NFKB1: variants seen among roughly 807,000 people sequenced by gnomAD.
The protein encoded by NFKB1 is nuclear factor NF-kappa-B p105 subunit.
Under a neutral mutation model 105.1 loss-of-function variants are expected in NFKB1, and 9 were observed. The ratio of observed to expected loss-of-function variants is 0.09; its 90% CI spans 0.05 to 0.15. The LOEUF (loss-of-function observed/expected upper bound fraction) is 0.15. NFKB1 is among the 10% of genes least tolerant of loss of function. The pLI is 1.00. For missense variants in NFKB1, 830 were observed against 1,203.7 expected (o/e 0.69, Z 4.59); for synonymous variants, 440 against 442.2 (o/e 1.00, Z 0.06).
At chr4:102,613,688 A>T in intron 23 of NFKB1, 107 bp downstream of exon 23, 2 of 1,300,906 alleles carry the variant, frequency 1.5e-6, no homozygotes, top group Non-Finnish European at 2.1e-6. Context: ...CGTTTTCTGG[A>T]TACACTTCCC....
chr4:102,616,288 C>CACGGTGAGCAGTCATG (rs1182313644), intron 23 of NFKB1, 146 bp from the exon 24 acceptor site: 2 of 792,134 alleles, frequency 2.5e-6, no homozygotes, highest in Non-Finnish European at 4.1e-6. Context: ...CCCTTCCCAC[C>CACGGTGAGCAGTCATG]ACGGTGAGCA....
At chr4:102,533,973 A>T in intron 4 of NFKB1, 88 bp downstream of exon 4, 1 of 1,120,802 alleles carries the variant, frequency 8.9e-7, no homozygotes, top group East Asian at 2.4e-5. Context: ...AATGAGTTCT[A>T]TGAAGGAAGT....
rs751784926 is a variant in NFKB1, at chr4:102,596,256, C to T, written c.1419C>T (p.Ser473=). The T allele has an allele frequency of 1.9e-6, 3 of 1,613,552 alleles. No homozygotes were observed. The highest frequency in any genetic ancestry group is 1.1e-5 in the South Asian group (1 of 91,014). The change falls in exon 14 of 24, where the codon AGC becomes AGT. Residue 473 remains serine, a synonymous_variant. Coordinates refer to ENST00000226574, the MANE Select transcript of NFKB1 (RefSeq NM_003998.4). The part of the protein sequence containing the change: ...IETTEQDQEP[S]EATVGNGEVT... Reference sequence around the variant, plus strand: ...CCACAGAGCAAGATCAGGAGCCCAGCGAGGCCACCGTTGGGAATGGTGAGG... The same window carrying T: ...CCACAGAGCAAGATCAGGAGCCCAGTGAGGCCACCGTTGGGAATGGTGAGG...
chr4:102,613,548 C>T lies in NFKB1; in HGVS notation c.2716C>T (p.Pro906Ser). The change falls in exon 23 of 24, where the codon CCT becomes TCT. Residue 906 changes from proline (P) to serine (S), a missense_variant. Physicochemically the swap from Pro to Ser is moderately conservative, Grantham distance 74. Around this residue, in one of 8 missense-constraint regions of NFKB1, gnomAD observed 418 missense variants for 575.3 expected, o/e 0.73. Coordinates refer to ENST00000226574, the MANE Select transcript of NFKB1 (RefSeq NM_003998.4). ...VKTTSQAHSL[P>S]LSPASTRQQI... ...GACCACCTCTCAGGCCCACTCGCTG[C>T]CTCTCTCGCCTGCCTCCACAAGGCA... 1 of 1,613,706 alleles carries T rather than the reference C, an allele frequency of 6.2e-7. No homozygotes were observed. The highest frequency in any genetic ancestry group is 8.5e-7 in the Non-Finnish European group (1 of 1,179,884).
chr4:102,606,978 T>C (rs891016066), intron 17 of NFKB1, among the ~76,000 whole-genome samples, 172 bp from the exon 18 acceptor site: 6 of 152,202 alleles, frequency 3.9e-5, no homozygotes, highest in Non-Finnish European at 7.3e-5. Context: ...TATGTTCATG[T>C]CTCCTGAGAA....
intron 5 of NFKB1, among the ~76,000 whole-genome samples, chr4:102,539,490 T>C (rs1741862020): frequency 6.6e-6 from 1 of 152,172 alleles, no homozygotes; most frequent in Non-Finnish European, 1.5e-5. Context: ...GAATGAAAGA[T>C]GTTTTTTCTA....
intron 23 of NFKB1, among the ~76,000 whole-genome samples, chr4:102,614,000 A>G (rs1728693079): frequency 6.6e-6 from 1 of 152,154 alleles, no homozygotes; most frequent in South Asian, 2.1e-4. Flanking sequence ...AAGTCTCGCA[A>G]CCATATGAAA....
intron 16 of NFKB1, among the ~76,000 whole-genome samples, chr4:102,605,543 A>C (rs1261210309): frequency 2.0e-5 from 3 of 152,374 alleles, no homozygotes; most frequent in Non-Finnish European, 4.4e-5. Flanking sequence ...GTTCTCTGTC[A>C]GTGAACTCAG....
chr4:102,530,718 A>G (rs927855483), intron 3 of NFKB1, among the ~76,000 whole-genome samples: 1 of 152,124 alleles, frequency 6.6e-6, no homozygotes, highest in Non-Finnish European at 1.5e-5. Flanking sequence ...ACTTTATCCC[A>G]TTTGTATTAT....
At chr4:102,585,943 G>C (rs1006028186) in intron 11 of NFKB1, among the ~76,000 whole-genome samples, 2 of 152,144 alleles carry the variant, frequency 1.3e-5, no homozygotes, top group Admixed American at 1.3e-4. Flanking sequence ...GCCAATGTGG[G>C]TAAGGAAGGC....
chr4:102,545,839 A>G (rs1197192618), intron 5 of NFKB1, among the ~76,000 whole-genome samples: 1 of 152,174 alleles, frequency 6.6e-6, no homozygotes, highest in East Asian at 1.9e-4. Flanking sequence ...ACATATTACA[A>G]CAGATAATTG....
chr4:102,519,785 A>C (rs1336000217), intron 1 of NFKB1, among the ~76,000 whole-genome samples: 1 of 152,218 alleles, frequency 6.6e-6, no homozygotes, highest in South Asian at 2.1e-4. Context: ...TTACTATATG[A>C]ACCTGAGCAA....
intron 1 of NFKB1, among the ~76,000 whole-genome samples, chr4:102,509,659 G>C (rs1739648923): frequency 6.6e-6 from 1 of 152,040 alleles, no homozygotes; most frequent in Non-Finnish European, 1.5e-5. Flanking sequence ...AGCACATTAG[G>C]GAATGCGGTT....
At chr4:102,594,593 G>A (rs562237393) in intron 12 of NFKB1, among the ~76,000 whole-genome samples, 1 of 152,250 alleles carries the variant, frequency 6.6e-6, no homozygotes, top group East Asian at 1.9e-4. Flanking sequence ...GAGTTTGGTT[G>A]GTGACCCTCA....
intron 13 of NFKB1, 89 bp downstream of exon 13, chr4:102,595,070 T>C (rs1471039527): frequency 2.7e-6 from 2 of 752,938 alleles, no homozygotes; most frequent in African/African-American, 1.7e-5. Flanking sequence ...ATCACAACAG[T>C]ATTATCATCT....
chr4:102,520,975 A>G (rs564999431), intron 1 of NFKB1, among the ~76,000 whole-genome samples: 1 of 152,198 alleles, frequency 6.6e-6, no homozygotes, highest in Non-Finnish European at 1.5e-5. Flanking sequence ...AGAAAATTAC[A>G]ATATAGAAAC....
intron 5 of NFKB1, among the ~76,000 whole-genome samples, chr4:102,540,156 G>A (rs1741907363): frequency 6.6e-6 from 1 of 152,086 alleles, no homozygotes; most frequent in African/African-American, 2.4e-5. Flanking sequence ...TTTCTGACTG[G>A]CTTGGCACAA....
At chr4:102,584,560 T>C in intron 10 of NFKB1, 122 bp from the exon 11 acceptor site, 1 of 926,594 alleles carries the variant, frequency 1.1e-6, no homozygotes, top group Non-Finnish European at 1.5e-6. Flanking sequence ...TGTTTTTTAG[T>C]ACACTGTGTC....
chr4:102,579,299 TCTC>T (rs1340744691), intron 8 of NFKB1, among the ~76,000 whole-genome samples: 15 of 152,156 alleles, frequency 9.9e-5, no homozygotes, highest in Non-Finnish European at 1.5e-5. Context: ...AAATGTCACA[TCTC>T]ATCTTATTTA....
Sources: gnomAD v4.1 joint callset for allele counts (sites outside exome capture counted in the v4.1 genomes callset) on GRCh38, gnomAD v4.1.1 for gene constraint, gnomAD v4.1.1 regional missense constraint, MANE v1.5 for transcripts, NCBI Gene and HGNC (gene_info 2026-07-23, HGNC 2026-07-21) for gene names.